Variants in EIF5B observed in about 807,000 individuals in gnomAD.
The protein encoded by EIF5B is eIF-5B.
Under a neutral mutation model 147.5 loss-of-function variants are expected in EIF5B, and 47 were observed. The observed-to-expected ratio is 0.32, with a 90% CI of 0.25 to 0.41. The LOEUF (loss-of-function observed/expected upper bound fraction) is 0.41. EIF5B is among the 10% of genes least tolerant of loss of function. EIF5B has a pLI of 1.00. For missense variants in EIF5B, 1,064 were observed against 1,413.2 expected (o/e 0.75, Z 3.96); for synonymous variants, 455 against 456.2 (o/e 1.00, Z 0.03).
intron 1 of EIF5B, among the ~76,000 whole-genome samples, chr2:99,349,408 A>C (rs2094279424): frequency 6.6e-6 from 1 of 152,246 alleles, no homozygotes; most frequent in Non-Finnish European, 1.5e-5. Context: ...TTATCAAATG[A>C]AATTTGCTAA....
At chr2:99,384,053 C>T (rs1464682714) in intron 14 of EIF5B, among the ~76,000 whole-genome samples, 4 of 151,508 alleles carry the variant, frequency 2.6e-5, no homozygotes, top group African/African-American at 9.7e-5. Flanking sequence ...AAAAGTTAGC[C>T]GGGCGTAGTG....
Position 99,361,738 on chromosome 2 carries a change from A to C in EIF5B, c.837A>C (p.Glu279Asp). The change falls in exon 4 of 24, where the codon GAA becomes GAC. Residue 279 changes from glutamate to aspartate, a missense_variant. Around this residue, in one of 4 missense-constraint regions of EIF5B, gnomAD observed 458 missense variants for 451.3 expected, o/e 1.01. Coordinates refer to ENST00000289371, the MANE Select transcript of EIF5B (RefSeq NM_015904.4). ...QKESQRKFEE[E>D]TVKSKVTVDT... Reference sequence around the variant, plus strand: ...AATCTCAAAGGAAATTTGAAGAAGAAACTGTAAAATCCAAAGTGACTGTTG... The same window carrying C: ...AATCTCAAAGGAAATTTGAAGAAGACACTGTAAAATCCAAAGTGACTGTTG... The C allele has an allele frequency of 6.3e-7, 1 of 1,596,150 alleles. No individual in the cohort carries two copies. The highest frequency in any genetic ancestry group is 8.5e-7 in the Non-Finnish European group (1 of 1,175,840).
Position 99,400,674 on chromosome 2 carries a change from G to A in EIF5B, c.*1260G>A, listed in dbSNP as rs1172629888. The A allele has an allele frequency of 1.2e-4, 19 of 152,186 alleles. No individual in the cohort carries two copies. The highest frequency in any genetic ancestry group is 1.5e-5 in the Non-Finnish European group (1 of 68,046). 9.4% of individuals were successfully genotyped at this position (152,186 alleles called of 1,614,324 possible). On this transcript the variant is annotated 3_prime_UTR_variant, in exon 24 of 24. Transcript: ENST00000289371. ...AAAAAATCTTCAAGTGGGTGTGAGG[G>A]TGTTTCTAATTCAAAATATGTAGAT...
rs1447746987 is a variant in EIF5B, at chr2:99,401,157, G to A, written c.*1743G>A. 16 of 722,834 alleles carry A rather than the reference G, an allele frequency of 2.2e-5. No homozygotes were observed. The highest frequency in any genetic ancestry group is 5.3e-5 in the East Asian group (2 of 37,616). The allele number at this position is 722,834 out of a possible 1,614,324, so 44.8% of individuals were successfully genotyped here. A position where few individuals can be genotyped will look rare whatever the true frequency, so the allele number is the denominator to read the frequency against. On this transcript the variant is annotated 3_prime_UTR_variant, in exon 24 of 24. Coordinates refer to ENST00000289371, the MANE Select transcript of EIF5B (RefSeq NM_015904.4). ...AGAAATTTAAAATTATAAAAACTCC[G>A]AGCATTACTATCATGCACTTTGCAA... is the stretch of plus-strand genomic sequence containing the variant.
chr2:99,369,793 G>A (rs902837073), intron 8 of EIF5B, among the ~76,000 whole-genome samples: 5 of 152,080 alleles, frequency 3.3e-5, no homozygotes, highest in East Asian at 3.9e-4. Context: ...TGGCTAACAC[G>A]GTGAAACTCC....
chr2:99,392,771 C>CT (rs200719251), intron 17 of EIF5B, among the ~76,000 whole-genome samples, 196 bp from the exon 18 acceptor site: 2 of 151,360 alleles, frequency 1.3e-5, no homozygotes, highest in East Asian at 3.9e-4. Flanking sequence ...ACTCTTGTGA[C>CT]TTTTTTTTTC....
intron 12 of EIF5B, among the ~76,000 whole-genome samples, chr2:99,379,946 C>T (rs924961748): frequency 1.2e-4 from 19 of 152,156 alleles, no homozygotes; most frequent in Admixed American, 3.9e-4. Context: ...GCTTCAGAAG[C>T]CCTCCAGGTG....
chr2:99,361,652 C>G lies in EIF5B; in HGVS notation c.751C>G (p.Arg251Gly), dbSNP rs750793177. 7 of 1,596,818 alleles carry G rather than the reference C, an allele frequency of 4.4e-6. No individual in the cohort carries two copies. Among genetic ancestry groups the G allele is most frequent in the African/African-American group, 1.4e-5 (1 of 73,346 alleles). The change falls in exon 4 of 24, where the codon CGG (arginine) becomes GGG (glycine). Residue 251 changes from arginine (R) to glycine (G), a missense_variant. Physicochemically the swap from Arg to Gly is moderately radical, Grantham distance 125. Transcript: ENST00000289371. ...GCGAGATGAAGAAAAAGCGAAACTG[C>G]GGAAGCTGAAAGAAAAAGAAGAGTT... ...KKRDEEKAKL[R>G]KLKEKEELET... is the part of the protein sequence containing the mutation.
chr2:99,382,743 A>G, intron 13 of EIF5B, 37 bp from the exon 14 acceptor site: 1 of 1,554,812 alleles, frequency 6.4e-7, no homozygotes, highest in South Asian at 1.2e-5. Context: ...TAATTTCAAG[A>G]TTTTCTACTT....
chr2:99,372,557 C>T (rs1437595744), intron 9 of EIF5B, among the ~76,000 whole-genome samples: 5 of 152,164 alleles, frequency 3.3e-5, no homozygotes, highest in South Asian at 2.1e-4. Flanking sequence ...AGGCTGGTCT[C>T]GAACTCCCGA....
At chr2:99,378,067 C>T (rs951443543) in intron 10 of EIF5B, among the ~76,000 whole-genome samples, 5 of 152,068 alleles carry the variant, frequency 3.3e-5, no homozygotes, top group Non-Finnish European at 5.9e-5. Flanking sequence ...GTGAGGTTGT[C>T]GGGTACTACT....
intron 1 of EIF5B, among the ~76,000 whole-genome samples, chr2:99,354,727 G>T (rs1674055492): frequency 6.6e-6 from 1 of 150,386 alleles, no homozygotes; most frequent in South Asian, 2.1e-4. Flanking sequence ...GTGTCCATTT[G>T]CTGTAGCACT....
chr2:99,360,885 G>A (rs1031582119), intron 3 of EIF5B, among the ~76,000 whole-genome samples: 1 of 152,090 alleles, frequency 6.6e-6, no homozygotes, highest in Non-Finnish European at 1.5e-5. Flanking sequence ...TTGTCCCTTA[G>A]GCTTTGTAAA....
At chr2:99,386,718 G>T (rs905869933) in intron 14 of EIF5B, among the ~76,000 whole-genome samples, 1 of 149,424 alleles carries the variant, frequency 6.7e-6, no homozygotes, top group African/African-American at 2.5e-5. Flanking sequence ...TGGGGGGCGG[G>T]GGGGCGGTGT....
intron 1 of EIF5B, 82 bp downstream of exon 1, chr2:99,337,671 C>T (rs920655221): frequency 2.7e-6 from 4 of 1,501,338 alleles, no homozygotes; most frequent in African/African-American, 1.4e-5. Context: ...GGCGTCGGAC[C>T]GGGGTCTGGG....
chr2:99,363,583 T>G (rs1349933282), intron 4 of EIF5B, 62 bp from the exon 5 acceptor site: 1 of 1,503,258 alleles, frequency 6.7e-7, no homozygotes, highest in Non-Finnish European at 8.9e-7. Flanking sequence ...TGGGTTTTGC[T>G]CGTCATCACC....
chr2:99,347,271 T>A (rs1405577947), intron 1 of EIF5B, among the ~76,000 whole-genome samples: 1 of 152,208 alleles, frequency 6.6e-6, no homozygotes, highest in Non-Finnish European at 1.5e-5. Context: ...CCTCCCAAAG[T>A]GTTGGGATTA....
chr2:99,359,703 T>A (rs900403017), intron 1 of EIF5B, among the ~76,000 whole-genome samples: 13 of 152,320 alleles, frequency 8.5e-5, no homozygotes, highest in East Asian at 7.7e-4. Flanking sequence ...GATTTGAATG[T>A]GTGGTTATGT....
At position 99,361,357 on chromosome 2, in the gene EIF5B, G is replaced by A. The variant is rs768409236; in HGVS notation, c.456G>A (p.Gly152=). 2 of 1,611,068 alleles carry A rather than the reference G, an allele frequency of 1.2e-6. No homozygotes were observed. Among genetic ancestry groups the A allele is most frequent in the East Asian group, 4.5e-5 (2 of 44,838 alleles). Residue 152 remains glycine, a synonymous_variant, in exon 4 of 24, where the codon GGG becomes GGA. Transcript: ENST00000289371. ...ACAAACTTCCTAAAAAAGCTAAAGG[G>A]AAAGCTCAAAAATCAAATAAGAAGT... ...DFNKLPKKAK[G]KAQKSNKKWD...
Sources: allele counts gnomAD v4.1 joint callset (sites outside exome capture counted in the v4.1 genomes callset), GRCh38; gene constraint gnomAD v4.1.1; regional missense constraint gnomAD v4.1.1; transcripts MANE v1.5; gene names NCBI Gene and HGNC (gene_info 2026-07-23, HGNC 2026-07-21).